Variants in ITGBL1 observed in about 807,000 individuals in gnomAD.
ITGBL1 encodes integrin subunit beta like 1, also known as integrin beta-like protein 1.
A neutral mutation model predicts 68.5 loss-of-function variants in ITGBL1; 51 were observed. That is an observed-to-expected ratio of 0.74 (90% CI 0.59 to 0.94). The LOEUF is 0.94. ITGBL1 is among the 40% of genes least tolerant of loss of function. The pLI is 0.00. For missense variants in ITGBL1, 649 were observed against 647.4 expected (o/e 1.00, Z -0.03); for synonymous variants, 209 against 227.3 (o/e 0.92, Z 0.72).
chr13:101,590,497 T>G (rs907817826), intron 6 of ITGBL1, among the ~76,000 whole-genome samples: 4 of 152,126 alleles, frequency 2.6e-5, no homozygotes, highest in African/African-American at 9.7e-5. Flanking sequence ...GTTAGGGACT[T>G]CCTGGGTCCC....
intron 2 of ITGBL1, among the ~76,000 whole-genome samples, chr13:101,500,921 C>T (rs538075562): frequency 2.6e-5 from 4 of 152,302 alleles, no homozygotes; most frequent in African/African-American, 9.6e-5. Context: ...ATCCCAACTT[C>T]ATTACCTAGC....
At chr13:101,682,759 T>C (rs2033673314) in intron 7 of ITGBL1, among the ~76,000 whole-genome samples, 1 of 152,048 alleles carries the variant, frequency 6.6e-6, no homozygotes, top group South Asian at 2.1e-4. Context: ...GTTTATTGTT[T>C]ATATTTTAGT....
chr13:101,718,380 A>G (rs1171779901), downstream of ITGBL1: 1 of 152,146 alleles, frequency 6.6e-6, no homozygotes, highest in African/African-American at 2.4e-5. Flanking sequence ...TTTCAACTCT[A>G]TGATAGAAAC....
chr13:101,563,549 A>G (rs2050133838), intron 2 of ITGBL1, among the ~76,000 whole-genome samples: 1 of 151,908 alleles, frequency 6.6e-6, no homozygotes, highest in African/African-American at 2.4e-5. Context: ...AGGAATTTAA[A>G]TGAAATGGGC....
intron 2 of ITGBL1, among the ~76,000 whole-genome samples, chr13:101,552,808 T>C (rs2049942424): frequency 6.6e-6 from 1 of 152,226 alleles, no homozygotes; most frequent in Admixed American, 6.5e-5. Context: ...GAAGATAACA[T>C]TCCAAAGAAT....
At chr13:101,468,699 C>T (rs1353320987) in intron 2 of ITGBL1, among the ~76,000 whole-genome samples, 2 of 151,990 alleles carry the variant, frequency 1.3e-5, no homozygotes, top group African/African-American at 4.8e-5. Flanking sequence ...TTATTTTTGT[C>T]TTAGAGAGTG....
intron 7 of ITGBL1, among the ~76,000 whole-genome samples, chr13:101,629,810 G>A (rs935566579): frequency 2.0e-5 from 3 of 151,864 alleles, no homozygotes; most frequent in South Asian, 2.1e-4. Context: ...CATATTTTGA[G>A]CCCATTTATT....
At chr13:101,477,042 T>C (rs1338572039) in intron 2 of ITGBL1, among the ~76,000 whole-genome samples, 2 of 152,140 alleles carry the variant, frequency 1.3e-5, no homozygotes, top group African/African-American at 4.8e-5. Flanking sequence ...AAAGTGCACA[T>C]GCTTCTCCTC....
intron 8 of ITGBL1, among the ~76,000 whole-genome samples, chr13:101,703,441 T>A (rs2034182119): frequency 6.6e-6 from 1 of 152,198 alleles, no homozygotes; most frequent in Non-Finnish European, 1.5e-5. Context: ...AAATGTAGCT[T>A]CTGTTTTTCA....
At position 101,708,917 on chromosome 13, in the gene ITGBL1, A is replaced by G. The variant is rs952100572; in HGVS notation, c.1279+2015A>G. Among the ~76,000 whole-genome samples the G allele has an allele frequency of 3.9e-4, 59 of 152,368 alleles. 2 individuals carry two copies. The highest frequency in any genetic ancestry group is 2.0e-3 in the Admixed American group (31 of 15,312). On this transcript the variant is annotated intron_variant, in intron 9 of 10. Coordinates refer to ENST00000376180, the MANE Select transcript of ITGBL1 (RefSeq NM_004791.3). ...CTCTCACTAATTCAATCTAATCTCA[A>G]GCCCCAAACAGATCTTCCACCAGTT... is the stretch of plus-strand genomic sequence containing the variant.
intron 2 of ITGBL1, among the ~76,000 whole-genome samples, chr13:101,559,351 A>G (rs372731130): frequency 6.6e-6 from 1 of 152,184 alleles, no homozygotes; most frequent in African/African-American, 2.4e-5. Flanking sequence ...ATTCAATCCA[A>G]TCTCTTAATT....
chr13:101,586,326 A>G lies in ITGBL1; in HGVS notation c.868+2970A>G, dbSNP rs528525073. Among the ~76,000 whole-genome samples, 12 of 152,286 alleles carry G rather than the reference A, an allele frequency of 7.9e-5. No homozygotes were observed. In the East Asian group the frequency reaches 2.3e-3, roughly 29 times the overall value. ...CTGTAGTTTGAACAAGAAAACATCA[A>G]TCTATTATTGTGATTTTATGATTCG... is the stretch of plus-strand genomic sequence containing the variant. On this transcript the variant is annotated intron_variant, in intron 6 of 10. Transcript: ENST00000376180.
chr13:101,710,109 G>T (rs192102484), intron 9 of ITGBL1, among the ~76,000 whole-genome samples: 2 of 152,294 alleles, frequency 1.3e-5, no homozygotes, highest in East Asian at 3.9e-4. Flanking sequence ...TTGGGAGGTG[G>T]CGATATATTC....
chr13:101,605,332 A>G (rs1264131857), intron 7 of ITGBL1, among the ~76,000 whole-genome samples: 2 of 151,154 alleles, frequency 1.3e-5, no homozygotes, highest in Non-Finnish European at 3.0e-5. Context: ...ATGCGTATAT[A>G]TATATACACA....
chr13:101,530,809 A>G (rs1594869561), intron 2 of ITGBL1, among the ~76,000 whole-genome samples: 1 of 152,178 alleles, frequency 6.6e-6, no homozygotes, highest in South Asian at 2.1e-4. Flanking sequence ...CTAAAAACAC[A>G]TTTTTGGGAT....
At chr13:101,653,870 G>GTT (rs1156397350) in intron 7 of ITGBL1, among the ~76,000 whole-genome samples, 5 of 55,190 alleles carry the variant, frequency 9.1e-5, no homozygotes, top group South Asian at 7.5e-4. Flanking sequence ...TTTGTTTTTT[G>GTT]TTTTTTTTTT....
At chr13:101,659,662 C>T (rs907487233) in intron 7 of ITGBL1, among the ~76,000 whole-genome samples, 4 of 152,134 alleles carry the variant, frequency 2.6e-5, no homozygotes, top group Non-Finnish European at 4.4e-5. Flanking sequence ...GGGGTTTCAC[C>T]GTGTTAGCCA....
chr13:101,534,242 G>A (rs1451136875), intron 2 of ITGBL1, among the ~76,000 whole-genome samples: 1 of 152,138 alleles, frequency 6.6e-6, no homozygotes, highest in African/African-American at 2.4e-5. Flanking sequence ...AGGAGAAACA[G>A]CAGGCATAGG....
chr13:101,569,189 A>G (rs1470240311), intron 3 of ITGBL1, among the ~76,000 whole-genome samples: 1 of 152,160 alleles, frequency 6.6e-6, no homozygotes, highest in Non-Finnish European at 1.5e-5. Flanking sequence ...AACTTGTTTC[A>G]GTAACAAGAC....
Sources: allele counts gnomAD v4.1 joint callset (sites outside exome capture counted in the v4.1 genomes callset), GRCh38; gene constraint gnomAD v4.1.1; transcripts MANE v1.5; gene names NCBI Gene and HGNC (gene_info 2026-07-23, HGNC 2026-07-21).